The following SLC2A13 variants were observed in gnomAD, a reference collection of about 807,000 sequenced individuals.
SLC2A13 encodes solute carrier family 2 member 13.
A neutral mutation model predicts 64.4 loss-of-function variants in SLC2A13; 32 were observed. The observed-to-expected ratio is 0.50, with a 90% CI of 0.37 to 0.67. The LOEUF (loss-of-function observed/expected upper bound fraction) is 0.67. Among genes scored for constraint, SLC2A13 ranks in the 30% least tolerant of loss-of-function variants. SLC2A13 has a pLI of 0.00. For synonymous variants in SLC2A13, 338 were observed against 327.1 expected (o/e 1.03, Z -0.36); for missense variants, 743 against 829.2 (o/e 0.90, Z 1.28).
At chr12:39,766,526 G>A (rs1300901457) in intron 7 of SLC2A13, among the ~76,000 whole-genome samples, 1 of 152,072 alleles carries the variant, frequency 6.6e-6, no homozygotes, top group Admixed American at 6.6e-5. Flanking sequence ...GAAGGCTGGG[G>A]TGGCTGTGGC....
At chr12:39,992,361 G>T (rs1443161636) in intron 3 of SLC2A13, among the ~76,000 whole-genome samples, 2 of 152,116 alleles carry the variant, frequency 1.3e-5, no homozygotes, top group Non-Finnish European at 2.9e-5. Flanking sequence ...AGCATGATAT[G>T]CAAACTCAAT....
At chr12:39,905,711 CT>C (rs1365564090) in intron 4 of SLC2A13, among the ~76,000 whole-genome samples, 1 of 151,356 alleles carries the variant, frequency 6.6e-6, no homozygotes, top group Admixed American at 6.6e-5. Context: ...AATCACACAG[CT>C]AGAGAAATCT....
chr12:40,025,034 G>A (rs1947781422), intron 3 of SLC2A13, among the ~76,000 whole-genome samples: 2 of 152,200 alleles, frequency 1.3e-5, no homozygotes, highest in African/African-American at 2.4e-5. Flanking sequence ...TATCAACAGT[G>A]CTGAGCACAC....
intron 4 of SLC2A13, among the ~76,000 whole-genome samples, chr12:39,929,902 G>A (rs1945794745): frequency 6.6e-6 from 1 of 152,046 alleles, no homozygotes; most frequent in African/African-American, 2.4e-5. Context: ...ATGCTGAGGA[G>A]GACGGATCAC....
chr12:39,945,574 G>A (rs1946118747), intron 4 of SLC2A13, among the ~76,000 whole-genome samples: 1 of 151,586 alleles, frequency 6.6e-6, no homozygotes, highest in Non-Finnish European at 1.5e-5. Flanking sequence ...TGTCTTTGTT[G>A]GATTGGATTA....
chr12:40,067,414 CTGT>C (rs1937775597), intron 1 of SLC2A13, among the ~76,000 whole-genome samples: 1 of 151,888 alleles, frequency 6.6e-6, no homozygotes, highest in African/African-American at 2.4e-5. Flanking sequence ...CACTTTGTTG[CTGT>C]TGTTGATAAT....
intron 4 of SLC2A13, among the ~76,000 whole-genome samples, chr12:39,912,451 C>CAAAT (rs1200640405): frequency 6.6e-6 from 1 of 151,996 alleles, no homozygotes; most frequent in African/African-American, 2.4e-5. Context: ...CCAAACTTAG[C>CAAAT]AAATAAAACA....
chr12:39,873,575 T>C (rs1386145789), intron 4 of SLC2A13, among the ~76,000 whole-genome samples: 1 of 152,212 alleles, frequency 6.6e-6, no homozygotes, highest in Non-Finnish European at 1.5e-5. Context: ...AGTTTCAGAA[T>C]CTTCACAATA....
At chr12:39,903,084 A>C (rs778747386) in intron 4 of SLC2A13, among the ~76,000 whole-genome samples, 10 of 152,178 alleles carry the variant, frequency 6.6e-5, no homozygotes, top group Non-Finnish European at 1.3e-4. Flanking sequence ...ACATCGTAAT[A>C]ATGAGTCCAA....
At chr12:39,998,116 A>G (rs1338626202) in intron 3 of SLC2A13, among the ~76,000 whole-genome samples, 1 of 152,210 alleles carries the variant, frequency 6.6e-6, no homozygotes, top group Non-Finnish European at 1.5e-5. Flanking sequence ...ATGTGGAACC[A>G]ACCCTAACAC....
At position 40,105,734 on chromosome 12, in the gene SLC2A13, C is replaced by A. The variant is rs1327530841; in HGVS notation, c.75G>T (p.Arg25Ser). 19 of 1,486,574 alleles carry A rather than the reference C, an allele frequency of 1.3e-5. No homozygotes were observed. Among genetic ancestry groups the A allele is most frequent in the Non-Finnish European group, 1.7e-5 (19 of 1,119,108 alleles). 92.1% of individuals were successfully genotyped at this position (1,486,574 alleles called of 1,614,324 possible). A position where few individuals can be genotyped will look rare whatever the true frequency, so the allele number is the denominator to read the frequency against. ...TCGCCGCGTCCGGCTCCGGCTGCTT[C>A]CTGCGCCGCTCGCCCATCAGGCTGC... ...SLSSLMGERR[R>S]KQPEPDAASA... The change falls in exon 1 of 10, where the codon AGG becomes AGT. Residue 25 changes from arginine (R) to serine (S), a missense_variant. Arg to Ser is a moderately radical substitution (Grantham distance 110). Transcript: ENST00000280871. This position sits in a 1 kb window ranked among gnomAD's most constrained non-coding sequence, Gnocchi z 4.2.
intron 7 of SLC2A13, among the ~76,000 whole-genome samples, chr12:39,792,509 T>C (rs1202744154): frequency 6.6e-6 from 1 of 152,160 alleles, no homozygotes; most frequent in Non-Finnish European, 1.5e-5. Flanking sequence ...CTGCAAGTCC[T>C]CAAAACATGT....
At chr12:40,083,928 CAGGCTGTGGA>C (rs1238652327) in intron 1 of SLC2A13, among the ~76,000 whole-genome samples, 2 of 152,164 alleles carry the variant, frequency 1.3e-5, no homozygotes, top group Admixed American at 1.3e-4. Flanking sequence ...AGTGGAGAGA[CAGGCTGTGGA>C]AGACTTACCC....
At chr12:39,839,388 G>A (rs779274156) in intron 6 of SLC2A13, among the ~76,000 whole-genome samples, 9 of 152,078 alleles carry the variant, frequency 5.9e-5, no homozygotes, top group Non-Finnish European at 8.8e-5. Context: ...AGACACGTGA[G>A]TAAATAGTTG....
intron 7 of SLC2A13, among the ~76,000 whole-genome samples, chr12:39,803,147 T>G (rs1418249090): frequency 2.6e-5 from 4 of 151,346 alleles, no homozygotes; most frequent in Admixed American, 6.6e-5. Flanking sequence ...GTTCCCTTAT[T>G]CTAGGGACCA....
intron 1 of SLC2A13, among the ~76,000 whole-genome samples, chr12:40,061,843 T>C (rs1948429665): frequency 6.6e-6 from 1 of 151,838 alleles, no homozygotes; most frequent in African/African-American, 2.4e-5. Flanking sequence ...AAGTTGATCC[T>C]TGCTGGAAGG....
At chr12:40,024,603 A>G (rs1947774304) in intron 3 of SLC2A13, among the ~76,000 whole-genome samples, 2 of 152,074 alleles carry the variant, frequency 1.3e-5, no homozygotes, top group African/African-American at 4.8e-5. Context: ...AGCAATTACC[A>G]TAATTTGTAG....
At chr12:39,961,191 C>T (rs1385724698) in intron 3 of SLC2A13, among the ~76,000 whole-genome samples, 1 of 151,990 alleles carries the variant, frequency 6.6e-6, no homozygotes, top group Non-Finnish European at 1.5e-5. Flanking sequence ...AATTCTCCTG[C>T]CTCAGCCTCC....
intron 1 of SLC2A13, among the ~76,000 whole-genome samples, chr12:40,083,426 C>G (rs1361217280): frequency 6.6e-6 from 1 of 152,136 alleles, no homozygotes; most frequent in African/African-American, 2.4e-5. Flanking sequence ...AGGGAAACTA[C>G]AGAGAAAAAA....
Sources: allele counts gnomAD v4.1 joint callset (sites outside exome capture counted in the v4.1 genomes callset), GRCh38; gene constraint gnomAD v4.1.1; non-coding constraint Gnocchi (gnomAD v3.1); transcripts MANE v1.5; gene names NCBI Gene and HGNC (gene_info 2026-07-23, HGNC 2026-07-21).